TEX14: variants seen among roughly 807,000 people sequenced by gnomAD.
TEX14 encodes the protein inactive serine/threonine-protein kinase TEX14.
In TEX14, 168 loss-of-function variants were observed where a neutral mutation model predicts 178.6. The ratio of observed to expected loss-of-function variants is 0.94; its 90% CI spans 0.83 to 1.07. TEX14 has a LOEUF of 1.07. Among genes scored for constraint, TEX14 ranks in the 50% least tolerant of loss-of-function variants. The pLI, the probability that TEX14 is intolerant of heterozygous loss-of-function variation, is 0.00. For missense variants in TEX14, 1,730 were observed against 1,753.6 expected (o/e 0.99, Z 0.24); for synonymous variants, 626 against 634.1 (o/e 0.99, Z 0.19).
At chr17:58,622,427 G>A (rs1295532637) in intron 4 of TEX14, among the ~76,000 whole-genome samples, 1 of 148,098 alleles carries the variant, frequency 6.8e-6, no homozygotes, top group Non-Finnish European at 1.5e-5. Flanking sequence ...GCCTGGGCAA[G>A]ACTCCTTCCC....
chr17:58,559,925 A>T (rs1310416785), intron 29 of TEX14, among the ~76,000 whole-genome samples: 1 of 152,216 alleles, frequency 6.6e-6, no homozygotes, highest in African/African-American at 2.4e-5. Flanking sequence ...AGGAAAAAAA[A>T]GGCATTTTAC....
chr17:58,609,646 C>A (rs530045070), intron 10 of TEX14, among the ~76,000 whole-genome samples: 66 of 152,322 alleles, frequency 4.3e-4, no homozygotes, highest in African/African-American at 1.1e-3. Context: ...AAAATTCAGA[C>A]TCCTCACCAG....
chr17:58,637,388 C>T (rs970460624), intron 2 of TEX14, among the ~76,000 whole-genome samples: 2 of 152,174 alleles, frequency 1.3e-5, no homozygotes, highest in African/African-American at 2.4e-5. Context: ...CAGAAAGCAT[C>T]AGGATGACAG....
chr17:58,570,616 CTTTTTTTTT>C, intron 24 of TEX14, 132 bp from the exon 25 acceptor site: 3 of 84,600 alleles, frequency 3.5e-5, no homozygotes, highest in South Asian at 2.0e-4. Flanking sequence ...GGGAAGCCTC[CTTTTTTTTT>C]TTTTTTTTTT....
At chr17:58,622,153 A>T (rs1312197745) in intron 4 of TEX14, among the ~76,000 whole-genome samples, 2 of 152,140 alleles carry the variant, frequency 1.3e-5, no homozygotes, top group Admixed American at 6.5e-5. Context: ...CTTCATTAAA[A>T]CACATCACAC....
In TEX14 at chr17:58,561,503, C is replaced by T; in HGVS notation, c.4157+17G>A. 6.3e-7 allele frequency: 1 copy of T among 1,581,000 alleles called. No homozygotes were observed. The highest frequency in any genetic ancestry group is 1.3e-5 in the African/African-American group (1 of 74,362). ...CCTGAAAAAGAAGAAAAGGATTCCC[C>T]TTTGGGGAACAATAACCTTTCAGAG... On this transcript the variant is annotated intron_variant, in intron 29 of 31. Coordinates refer to ENST00000349033, the MANE Select transcript of TEX14 (RefSeq NM_031272.5).
Position 58,599,568 on chromosome 17 carries a change from T to A in TEX14, c.1777A>T (p.Asn593Tyr). The A allele has an allele frequency of 6.2e-7, 1 of 1,614,028 alleles. No homozygotes were observed. Among genetic ancestry groups the A allele is most frequent in the South Asian group, 1.1e-5 (1 of 91,078 alleles). ...DPCLMARETQ[N>Y]QDAPCPAPFM... ...GGAGCAGGGCAAGGAGCATCTTGAT[T>A]CTGAGTCTCCCTGGCCATCAGACAT... The change falls in exon 14 of 32, where the codon AAT (asparagine) becomes TAT (tyrosine). Residue 593 changes from asparagine to tyrosine, a missense_variant. Asn to Tyr is a moderately radical substitution (Grantham distance 143). This residue lies in a region of TEX14 where 941 missense variants were observed against 1,072.4 expected (regional missense o/e 0.88). Transcript: ENST00000349033.
At chr17:58,688,458 A>G (rs774973005) in intron 1 of TEX14, among the ~76,000 whole-genome samples, 9 of 152,220 alleles carry the variant, frequency 5.9e-5, no homozygotes, top group Non-Finnish European at 1.0e-4. Flanking sequence ...CAGCATTAGC[A>G]TTCTGCTGAG....
At chr17:58,607,717 A>G (rs1183965073) in intron 10 of TEX14, among the ~76,000 whole-genome samples, 1 of 152,244 alleles carries the variant, frequency 6.6e-6, no homozygotes, top group Non-Finnish European at 1.5e-5. Flanking sequence ...GCGATCCATC[A>G]CTGACAAAAG....
chr17:58,601,862 G>A lies in TEX14; in HGVS notation c.1622C>T (p.Thr541Ile), dbSNP rs752815349. 1.9e-5 allele frequency: 30 copies of A among 1,613,214 alleles called. No individual in the cohort carries two copies. The highest frequency in any genetic ancestry group is 2.5e-5 in the Non-Finnish European group (30 of 1,179,956). The change falls in exon 13 of 32, where the codon ACT (threonine) becomes ATT (isoleucine). Residue 541 changes from threonine to isoleucine, a missense_variant. Physicochemically the swap from Thr to Ile is moderately conservative, Grantham distance 89. Transcript: ENST00000349033. ...HPDVNVYLGL[T>I]SEHPRETPDM... The stretch of plus-strand genomic sequence containing the variant: ...AGGTGTCTCTCTGGGGTGTTCTGAA[G>A]TCAGTCCTAGATAGACATTGACATC...
rs543362727 is a variant in TEX14 at position 58,577,870 on chromosome 17, G to A, written c.3239-414C>T. 2.6e-5 allele frequency among the ~76,000 whole-genome samples: 4 copies of A among 152,286 alleles called. No individual in the cohort carries two copies. The East Asian group carries it at 7.7e-4, about 29-fold the overall frequency. ...GCCCCGAACTCTAACTATGCCACTT[G>A]GCCATCAAACACTAGGTGTGGGCGT... On this transcript the variant is annotated intron_variant, in intron 20 of 31. Coordinates refer to ENST00000349033, the MANE Select transcript of TEX14 (RefSeq NM_031272.5).
intron 28 of TEX14, 130 bp from the exon 29 acceptor site, chr17:58,561,742 G>A: frequency 1.6e-6 from 1 of 626,052 alleles, no homozygotes; most frequent in Non-Finnish European, 2.8e-6. Context: ...GAAAAAACAA[G>A]AGCTCAGTGA....
Position 58,585,908 on chromosome 17 carries a change from T to A in TEX14, c.2963A>T (p.His988Leu). ...NTDWQRVIEY[H>L]RENDEPRGNG... Reference sequence around the variant, plus strand: ...TCCTCTGGGCTCATCATTTTCCCTATGATACTCAATAACTCGCTGCCAATC... The same window carrying A: ...TCCTCTGGGCTCATCATTTTCCCTAAGATACTCAATAACTCGCTGCCAATC... The change falls in exon 18 of 32, where the codon CAT becomes CTT. Residue 988 changes from histidine to leucine, a missense_variant. By Grantham distance (99) the His-to-Leu change is moderately conservative. Transcript: ENST00000349033. The A allele has an allele frequency of 6.2e-7, 1 of 1,614,044 alleles. No individual in the cohort carries two copies. Among genetic ancestry groups the A allele is most frequent in the Non-Finnish European group, 8.5e-7 (1 of 1,180,012 alleles).
intron 3 of TEX14, among the ~76,000 whole-genome samples, chr17:58,627,722 A>T (rs2046178376): frequency 6.7e-6 from 1 of 149,190 alleles, no homozygotes; most frequent in Admixed American, 6.8e-5. Flanking sequence ...GTGAGCCAAG[A>T]TCATGCCACT....
rs975110914 is a variant in TEX14 at position 58,571,924 on chromosome 17, A to T, written c.3714T>A (p.Gly1238=). 2 of 1,613,578 alleles carry T rather than the reference A, an allele frequency of 1.2e-6. No individual in the cohort carries two copies. The highest frequency in any genetic ancestry group is 2.7e-5 in the African/African-American group (2 of 74,914). The stretch of plus-strand genomic sequence containing the variant: ...AACGTGGAATTGATATACTTACAAG[A>T]CCAGTCAGTCTTGAAGGGGGAGTTT... ...SSETPPSRLT[G]LKRLSSFIGA... Residue 1238 remains glycine (G), a synonymous_variant, in exon 24 of 32, where the codon GGT becomes GGA. Transcript: ENST00000349033.
intron 7 of TEX14, 130 bp downstream of exon 7, chr17:58,616,045 C>T: frequency 9.1e-7 from 1 of 1,093,010 alleles, no homozygotes. Flanking sequence ...CTGAGAAACC[C>T]TGATTTAGAC....
chr17:58,645,552 G>T (rs1048797062), intron 2 of TEX14, among the ~76,000 whole-genome samples: 1 of 151,604 alleles, frequency 6.6e-6, no homozygotes, highest in Non-Finnish European at 1.5e-5. Flanking sequence ...TAGAGACAGG[G>T]TTTCACCATG....
chr17:58,627,872 C>T (rs1386743721), intron 3 of TEX14, among the ~76,000 whole-genome samples: 2 of 147,284 alleles, frequency 1.4e-5, no homozygotes, highest in Non-Finnish European at 3.0e-5. Context: ...CCCTACAACA[C>T]GGGTATATGC....
At position 58,587,884 on chromosome 17, in the gene TEX14, A is replaced by G; in HGVS notation, c.2702+12T>C. The G allele has an allele frequency of 8.2e-7, 1 of 1,214,884 alleles. No homozygotes were observed. The highest frequency in any genetic ancestry group is 1.1e-6 in the Non-Finnish European group (1 of 873,168). The allele number at this position is 1,214,884 out of a possible 1,614,324, so 75.3% of individuals were successfully genotyped here. A position where few individuals can be genotyped will look rare whatever the true frequency, so the allele number is the denominator to read the frequency against. The stretch of plus-strand genomic sequence containing the variant: ...GCTCCACCACCAGTTTCCAGCCCAC[A>G]AGGATCCTTACCTGGTAGAGTCCCA... On this transcript the variant is annotated intron_variant, in intron 16 of 31. Transcript: ENST00000349033.
Sources: allele counts gnomAD v4.1 joint callset (sites outside exome capture counted in the v4.1 genomes callset), GRCh38; gene constraint gnomAD v4.1.1; regional missense constraint gnomAD v4.1.1; transcripts MANE v1.5; gene names NCBI Gene and HGNC (gene_info 2026-07-23, HGNC 2026-07-21).